The following MASP1 variants were observed in gnomAD, a reference collection of about 807,000 sequenced individuals.
MASP1 encodes the protein MBL associated serine protease 1, also known as mannan-binding lectin serine protease 1.
Under a neutral mutation model 77.1 loss-of-function variants are expected in MASP1, and 59 were observed. The observed-to-expected ratio is 0.77, with a 90% CI of 0.62 to 0.95. The LOEUF is 0.95. Among genes scored for constraint, MASP1 ranks in the 40% least tolerant of loss-of-function variants. The pLI is 0.00. For missense variants in MASP1, 885 were observed against 912.9 expected, an observed-to-expected ratio of 0.97 and a Z score of 0.39; for synonymous variants, 362 against 354.5, an observed-to-expected ratio of 1.02 and a Z score of -0.24.
Position 187,247,363 on chromosome 3 carries a change from G to A in MASP1, c.1090+2888C>T, listed in dbSNP as rs767521730. On this transcript the variant is annotated intron_variant, in intron 8 of 10. Coordinates refer to ENST00000296280, the MANE Select transcript of MASP1 (RefSeq NM_139125.4). The stretch of plus-strand genomic sequence containing the variant: ...CTGTCACTTGCTCTGACTTGAGTTC[G>A]CTCTCCAGATCGATTTCATTTTCTG... 1.6e-5 allele frequency: 26 copies of A among 1,613,848 alleles called. No homozygotes were observed. The highest frequency in any genetic ancestry group is 1.5e-4 in the South Asian group (14 of 91,068).
Position 187,222,911 on chromosome 3 carries a change from G to A in MASP1, c.1809+216C>T, listed in dbSNP as rs145188548. Among the ~76,000 whole-genome samples, 276 of 152,198 alleles carry A rather than the reference G, an allele frequency of 1.8e-3. 1 individual carries two copies. Among genetic ancestry groups the A allele is most frequent in the African/African-American group, 6.2e-3 (259 of 41,506 alleles). On this transcript the variant is annotated intron_variant, in intron 14 of 15. Coordinates refer to the MASP1 transcript ENST00000337774. ...AATAAGCTACCAGAAAAACTTAACCGTGTTTAGAGGCTAGAGTCCATGACA... is the reference window on the plus strand; with the variant it reads ...AATAAGCTACCAGAAAAACTTAACCATGTTTAGAGGCTAGAGTCCATGACA...
At chr3:187,262,824 G>C in intron 2 of MASP1, 104 bp from the exon 3 acceptor site, 1 of 989,406 alleles carries the variant, frequency 1.0e-6, no homozygotes, top group Non-Finnish European at 1.6e-6. Flanking sequence ...GAGTAGGCTA[G>C]TCAGCCTGAG....
At chr3:187,229,033 T>G (rs1387631008) in intron 11 of MASP1, among the ~76,000 whole-genome samples, 1 of 152,212 alleles carries the variant, frequency 6.6e-6, no homozygotes, top group African/African-American at 2.4e-5. Flanking sequence ...GCCTTCTTCC[T>G]TGGGGGTGGG....
At chr3:187,217,580 G>T (rs758550383) in exon 16 of MASP1, 5 of 152,184 alleles carry the variant, frequency 3.3e-5, no homozygotes, top group African/African-American at 4.8e-5. Flanking sequence ...CTGCAATTGG[G>T]GGTAGTGAGT....
At chr3:187,229,699 G>T (rs1256485554), downstream of MASP1, 2 of 1,595,776 alleles carry the variant, frequency 1.3e-6, no homozygotes, top group African/African-American at 1.3e-5. Context: ...AAGAAACCTT[G>T]GTCAGTCTCC....
intron 4 of MASP1, 47 bp downstream of exon 4, chr3:187,260,694 G>A: frequency 1.2e-6 from 2 of 1,612,876 alleles, no homozygotes; most frequent in Non-Finnish European, 1.7e-6. Context: ...ATGTTATTGA[G>A]GATGTGGCCT....
At chr3:187,248,323 A>G (rs1166843400) in intron 8 of MASP1, among the ~76,000 whole-genome samples, 2 of 152,222 alleles carry the variant, frequency 1.3e-5, no homozygotes, top group Non-Finnish European at 2.9e-5. Flanking sequence ...GGGTTGGGGC[A>G]GGAGGAGTCC....
chr3:187,284,384 G>C (rs965978479), intron 2 of MASP1, among the ~76,000 whole-genome samples: 1 of 152,160 alleles, frequency 6.6e-6, no homozygotes, highest in African/African-American at 2.4e-5. Context: ...ACCTAGTTAG[G>C]GTAGAAGCTA....
At position 187,235,905 on chromosome 3, in the gene MASP1, C is replaced by A; in HGVS notation, c.1966G>T (p.Gly656Cys). ...NMFCAGYYEG[G>C]KDTCLGDSGG... ...CTATCTCCAAGGCACGTGTCTTTGC[C>A]GCCCTCGTAGTAGCCAGCACAGAAC... Residue 656 changes from glycine to cysteine, a missense_variant, in exon 11 of 11, where the codon GGC becomes TGC. Coordinates refer to ENST00000296280, the MANE Select transcript of MASP1 (RefSeq NM_139125.4). The A allele has an allele frequency of 6.2e-7, 1 of 1,614,218 alleles. No homozygotes were observed.
At chr3:187,285,036 A>G (rs1257943772) in intron 2 of MASP1, among the ~76,000 whole-genome samples, 1 of 152,236 alleles carries the variant, frequency 6.6e-6, no homozygotes, top group Non-Finnish European at 1.5e-5. Flanking sequence ...CTTAGAAGGT[A>G]GGTTCTTAGG....
intron 10 of MASP1, 130 bp from the exon 11 acceptor site, chr3:187,236,697 T>C (rs1713221330): frequency 6.7e-7 from 1 of 1,501,818 alleles, no homozygotes. Flanking sequence ...CTAACCTGCC[T>C]GGGTCATGCT....
chr3:187,283,443 T>C (rs75749526), intron 2 of MASP1, among the ~76,000 whole-genome samples: 2,644 of 152,348 alleles, frequency 0.017, 91 homozygotes, highest in African/African-American at 0.061. Flanking sequence ...GTTTATCATC[T>C]TGATGAAGGA....
intron 2 of MASP1, among the ~76,000 whole-genome samples, chr3:187,284,155 T>G (rs1483827459): frequency 1.3e-5 from 2 of 152,222 alleles, no homozygotes; most frequent in African/African-American, 4.8e-5. Context: ...CAGTTAGTCT[T>G]TATTGCCATC....
chr3:187,251,888 C>T, intron 6 of MASP1, 136 bp from the exon 7 acceptor site: 1 of 740,982 alleles, frequency 1.3e-6, no homozygotes. Context: ...ATCTTCCAAG[C>T]CCTGCAAGAG....
downstream of MASP1, chr3:187,230,022 A>G: frequency 2.9e-6 from 3 of 1,044,864 alleles, no homozygotes; most frequent in Non-Finnish European, 4.2e-6. Context: ...CCATTAATTG[A>G]CCTTCCTGAT....
intron 7 of MASP1, 28 bp downstream of exon 7, chr3:187,251,606 C>CT (rs1166563716): frequency 6.3e-7 from 1 of 1,583,222 alleles, no homozygotes; most frequent in Non-Finnish European, 8.7e-7. Context: ...GGCCTGGTCA[C>CT]TCCCCTTTCC....
At chr3:187,242,214 A>G (rs930465347) in intron 9 of MASP1, 5 of 152,602 alleles carry the variant, frequency 3.3e-5, no homozygotes, top group African/African-American at 1.2e-4. Flanking sequence ...TCCCTCTTTT[A>G]AAAATGAGGA....
chr3:187,287,313 T>C (rs1056241481), intron 1 of MASP1, among the ~76,000 whole-genome samples: 7 of 152,308 alleles, frequency 4.6e-5, no homozygotes, highest in Non-Finnish European at 1.0e-4. Context: ...TCCAGCCTCA[T>C]TGCATGTGCC....
intron 2 of MASP1, among the ~76,000 whole-genome samples, chr3:187,272,895 G>A (rs1256386908): frequency 2.6e-5 from 4 of 152,150 alleles, no homozygotes; most frequent in Non-Finnish European, 5.9e-5. Flanking sequence ...AATATTCTCT[G>A]TATATAGTTT....
Sources: gnomAD v4.1 joint callset for allele counts (sites outside exome capture counted in the v4.1 genomes callset) on GRCh38, gnomAD v4.1.1 for gene constraint, MANE v1.5 for transcripts, NCBI Gene and HGNC (gene_info 2026-07-23, HGNC 2026-07-21) for gene names.